The following CDH18 variants were observed in gnomAD, a reference collection of about 807,000 sequenced individuals.
CDH18 encodes cadherin 18, also known as cadherin-18.
Under a neutral mutation model 67.9 loss-of-function variants are expected in CDH18, and 31 were observed. That is an observed-to-expected ratio of 0.46 (90% CI 0.34 to 0.62). The LOEUF (loss-of-function observed/expected upper bound fraction) is 0.62. CDH18 is among the 20% of genes least tolerant of loss of function. CDH18 has a pLI of 0.01. For missense variants in CDH18, 890 were observed against 975.5 expected, an observed-to-expected ratio of 0.91 and a Z score of 1.17; for synonymous variants, 362 against 347.2, an observed-to-expected ratio of 1.04 and a Z score of -0.48.
intron 2 of CDH18, among the ~76,000 whole-genome samples, chr5:20,249,546 C>A (rs1743657734): frequency 1.3e-5 from 2 of 152,100 alleles, no homozygotes; most frequent in South Asian, 4.2e-4. Context: ...CTGCGCCCAC[C>A]TAATTTTTTG....
intron 2 of CDH18, among the ~76,000 whole-genome samples, chr5:20,178,481 C>T (rs1561854021): frequency 6.6e-6 from 1 of 150,704 alleles, no homozygotes. Flanking sequence ...AACTAAGTAG[C>T]TTCTTTTCAG....
At chr5:20,182,936 T>TATATAATGG (rs1737809592) in intron 2 of CDH18, among the ~76,000 whole-genome samples, 1 of 152,126 alleles carries the variant, frequency 6.6e-6, no homozygotes, top group South Asian at 2.1e-4. Context: ...ATGGGATGTA[T>TATATAATGG]ATATAATGGG....
At chr5:20,248,863 T>C (rs573114710) in intron 2 of CDH18, among the ~76,000 whole-genome samples, 15 of 152,352 alleles carry the variant, frequency 9.8e-5, no homozygotes, top group Admixed American at 9.8e-4. Flanking sequence ...CACAGTGTAA[T>C]TTTGAGGAGT....
At chr5:20,299,403 TACACACACACACACACACAC>T (rs56003449) in intron 1 of CDH18, among the ~76,000 whole-genome samples, 4 of 138,692 alleles carry the variant, frequency 2.9e-5, no homozygotes, top group Non-Finnish European at 4.7e-5. Context: ...CAACATTAGC[TACACACACACACACACACAC>T]ACACACACAC....
intron 2 of CDH18, among the ~76,000 whole-genome samples, chr5:20,204,251 A>G (rs1317374107): frequency 6.6e-6 from 1 of 152,114 alleles, no homozygotes; most frequent in East Asian, 1.9e-4. Flanking sequence ...GCAAGAGAAA[A>G]GAAGCAAATA....
chr5:19,698,111 T>G (rs1245953801), intron 5 of CDH18, among the ~76,000 whole-genome samples: 3 of 152,194 alleles, frequency 2.0e-5, no homozygotes, highest in African/African-American at 7.2e-5. Flanking sequence ...CATTAAATCA[T>G]TTTACAAAGA....
At chr5:20,148,951 A>ATGCTAGAACTTTGTCTCAGTGCAATTT (rs1750881810) in intron 2 of CDH18, among the ~76,000 whole-genome samples, 2 of 152,210 alleles carry the variant, frequency 1.3e-5, no homozygotes, top group South Asian at 4.1e-4. Flanking sequence ...CATATTCCAT[A>ATGCTAGAACTTTGTCTCAGTGCAATTT]TGCTAGAACT....
chr5:19,964,188 G>C (rs1302806269), intron 2 of CDH18, among the ~76,000 whole-genome samples: 4 of 152,068 alleles, frequency 2.6e-5, no homozygotes, highest in African/African-American at 7.2e-5. Context: ...ATATAAAAAA[G>C]AGTACATATC....
rs182770691 is a variant in CDH18, at chr5:19,934,708, T to A, written c.-257+46352A>T. Reference sequence around the variant, plus strand: ...TCTTAGTTAACTCCCTCAGCAATGCTATGTGGTCACACTGAGGATTGCCTT... The same window carrying A: ...TCTTAGTTAACTCCCTCAGCAATGCAATGTGGTCACACTGAGGATTGCCTT... On this transcript the variant is annotated intron_variant, in intron 2 of 12. Coordinates refer to ENST00000382275, the MANE Select transcript of CDH18 (RefSeq NM_004934.5). 7.3e-4 allele frequency among the ~76,000 whole-genome samples: 111 copies of A among 151,634 alleles called. 1 individual carries two copies. Among genetic ancestry groups the A allele is most frequent in the African/African-American group, 2.5e-3 (102 of 41,512 alleles).
At chr5:20,307,152 C>G (rs999032166) in intron 1 of CDH18, among the ~76,000 whole-genome samples, 20 of 150,992 alleles carry the variant, frequency 1.3e-4, no homozygotes, top group African/African-American at 4.9e-4. Flanking sequence ...TGCATGGCAA[C>G]TTAGAGAGAG....
At chr5:20,096,687 A>C (rs1746019361) in intron 2 of CDH18, among the ~76,000 whole-genome samples, 1 of 152,164 alleles carries the variant, frequency 6.6e-6, no homozygotes. Flanking sequence ...TTCCACTTTA[A>C]CTGCTAAAAA....
intron 1 of CDH18, among the ~76,000 whole-genome samples, chr5:20,369,316 G>T (rs1742784707): frequency 6.6e-6 from 1 of 152,158 alleles, no homozygotes; most frequent in African/African-American, 2.4e-5. Flanking sequence ...TGTCTCTCAA[G>T]TGTCATTATA....
intron 2 of CDH18, among the ~76,000 whole-genome samples, chr5:19,979,045 T>C (rs946688788): frequency 2.6e-5 from 4 of 152,146 alleles, no homozygotes; most frequent in African/African-American, 9.6e-5. Flanking sequence ...TGTTGTAACT[T>C]CACTCATAGA....
At chr5:19,831,007 A>G (rs1416726292) in intron 3 of CDH18, among the ~76,000 whole-genome samples, 2 of 152,092 alleles carry the variant, frequency 1.3e-5, no homozygotes, top group Non-Finnish European at 2.9e-5. Context: ...AACACAAAGA[A>G]GGGGACAACA....
intron 2 of CDH18, among the ~76,000 whole-genome samples, chr5:20,207,486 C>A (rs900731404): frequency 6.6e-6 from 1 of 151,980 alleles, no homozygotes; most frequent in Non-Finnish European, 1.5e-5. Flanking sequence ...AAGGGACTTA[C>A]AGTTCCATGT....
chr5:19,561,778 A>T (rs545785081), intron 8 of CDH18, among the ~76,000 whole-genome samples: 2 of 152,256 alleles, frequency 1.3e-5, no homozygotes, highest in South Asian at 4.1e-4. Flanking sequence ...GTGCTTTTGG[A>T]CCATTCAGCC....
intron 2 of CDH18, among the ~76,000 whole-genome samples, chr5:20,074,250 T>C (rs913465899): frequency 2.0e-5 from 3 of 152,146 alleles, no homozygotes; most frequent in Non-Finnish European, 4.4e-5. Context: ...GTTACCGTAA[T>C]ATCTAAGTTC....
intron 2 of CDH18, among the ~76,000 whole-genome samples, chr5:20,072,195 C>G (rs76674666): frequency 0.018 from 2,754 of 152,018 alleles, 99 homozygotes; most frequent in African/African-American, 0.061. Flanking sequence ...TACACAGTAA[C>G]TAAAAATTGA....
chr5:20,419,723 C>T (rs10073503), intron 1 of CDH18, among the ~76,000 whole-genome samples: 115,512 of 150,260 alleles, frequency 0.77, 45,076 homozygotes, highest in Admixed American at 0.86. Flanking sequence ...ATGATCCTCC[C>T]GCCTCGGCCT....
Sources: allele counts gnomAD v4.1 joint callset (sites outside exome capture counted in the v4.1 genomes callset), GRCh38; gene constraint gnomAD v4.1.1; transcripts MANE v1.5; gene names NCBI Gene and HGNC (gene_info 2026-07-23, HGNC 2026-07-21).